Variants in EXOSC1 observed in about 807,000 individuals in gnomAD.
The protein encoded by EXOSC1 is exosome component 1.
EXOSC1 carries 27 observed loss-of-function variants against 31.4 expected under a neutral mutation model. The observed-to-expected ratio is 0.86, with a 90% CI of 0.63 to 1.18. The LOEUF is 1.18. Ranked by LOEUF, EXOSC1 falls within the 50% of genes most tolerant of loss-of-function variation. The pLI, the probability that EXOSC1 is intolerant of heterozygous loss-of-function variation, is 0.00. For synonymous variants in EXOSC1, 84 were observed against 89.5 expected, an observed-to-expected ratio of 0.94 and a Z score of 0.35; for missense variants, 228 against 250.3, an observed-to-expected ratio of 0.91 and a Z score of 0.60.
At chr10:97,440,888 G>C in intron 4 of EXOSC1, 2 of 237,924 alleles carry the variant, frequency 8.4e-6, no homozygotes, top group South Asian at 1.2e-4. Flanking sequence ...CTGATCTCAA[G>C]AGATCCACCC....
intron 7 of EXOSC1, 85 bp downstream of exon 7, chr10:97,437,106 G>A: frequency 2.5e-6 from 3 of 1,214,430 alleles, no homozygotes; most frequent in Non-Finnish European, 3.7e-6. Context: ...CTGCTTCCCA[G>A]ATAAGGGAAA....
intron 4 of EXOSC1, among the ~76,000 whole-genome samples, chr10:97,438,940 T>G (rs1409308666): frequency 6.6e-6 from 1 of 151,482 alleles, no homozygotes; most frequent in African/African-American, 2.4e-5. Flanking sequence ...TTAGTAGAGA[T>G]GGGGTTTCAC....
chr10:97,442,712 G>T (rs960345419), intron 3 of EXOSC1, among the ~76,000 whole-genome samples: 1 of 151,946 alleles, frequency 6.6e-6, no homozygotes, highest in Non-Finnish European at 1.5e-5. Context: ...TTGAGACGGA[G>T]TCTCACTCTG....
At chr10:97,437,871 C>T in intron 5 of EXOSC1, 121 bp from the exon 6 acceptor site, 2 of 799,800 alleles carry the variant, frequency 2.5e-6, no homozygotes, top group Non-Finnish European at 4.1e-6. Flanking sequence ...CATCATTACT[C>T]ATGTCAAGTC....
At chr10:97,443,359 G>A in intron 2 of EXOSC1, 48 bp from the exon 3 acceptor site, 2 of 1,547,520 alleles carry the variant, frequency 1.3e-6, no homozygotes, top group Non-Finnish European at 1.8e-6. Context: ...TAACCCTTGG[G>A]TCAAGGCATT....
chr10:97,436,682 G>C, intron 7 of EXOSC1, 131 bp from the exon 8 acceptor site: 1 of 741,706 alleles, frequency 1.3e-6, no homozygotes, highest in Non-Finnish European at 2.1e-6. Context: ...AAAAAACTTT[G>C]TTCATTCTAC....
intron 4 of EXOSC1, among the ~76,000 whole-genome samples, chr10:97,439,118 G>A (rs1409215663): frequency 6.6e-6 from 1 of 152,198 alleles, no homozygotes; most frequent in East Asian, 1.9e-4. Flanking sequence ...AGAACAAGTT[G>A]TAAATGGGAC....
In EXOSC1 at chr10:97,437,220, A is replaced by G. The variant is rs774453483; in HGVS notation, c.452T>C (p.Leu151Pro). The change falls in exon 7 of 8, where the codon CTG (leucine) becomes CCG (proline). Residue 151 changes from leucine to proline, a missense_variant. Coordinates refer to ENST00000370902, the MANE Select transcript of EXOSC1 (RefSeq NM_016046.5). ...CTCACTGTGGGCTACCACCACTCCCAGCTCGTTCTCGGCGGTGGTTAGCAG... is the reference window on the plus strand; with the variant it reads ...CTCACTGTGGGCTACCACCACTCCCGGCTCGTTCTCGGCGGTGGTTAGCAG... Reference protein sequence around the residue: ...NYLLTTAENELGVVVAHSESG... With the variant: ...NYLLTTAENEPGVVVAHSESG... The G allele has an allele frequency of 6.2e-7, 1 of 1,614,068 alleles. No homozygotes were observed. Among genetic ancestry groups the G allele is most frequent in the South Asian group, 1.1e-5 (1 of 91,062 alleles).
chr10:97,441,496 T>TC, intron 3 of EXOSC1, among the ~76,000 whole-genome samples: 1 of 150,610 alleles, frequency 6.6e-6, no homozygotes, highest in East Asian at 1.9e-4. Flanking sequence ...GTTTTTTTTT[T>TC]TTTTTTTTTT....
chr10:97,440,100 G>C (rs1409491368), intron 4 of EXOSC1, among the ~76,000 whole-genome samples: 2 of 151,564 alleles, frequency 1.3e-5, no homozygotes, highest in Non-Finnish European at 2.9e-5. Context: ...AGCCTCCCTA[G>C]TAGCTGGGAT....
chr10:97,436,393 G>C lies in EXOSC1; in HGVS notation c.*52C>G. 1 of 1,314,120 alleles carries C rather than the reference G, an allele frequency of 7.6e-7. No homozygotes were observed. Among genetic ancestry groups the C allele is most frequent in the Non-Finnish European group, 1.1e-6 (1 of 912,316 alleles). 81.4% of individuals were successfully genotyped at this position (1,314,120 alleles called of 1,614,324 possible). A position where few individuals can be genotyped will look rare whatever the true frequency, so the allele number is the denominator to read the frequency against. On this transcript the variant is annotated 3_prime_UTR_variant, in exon 8 of 8. Transcript: ENST00000370902. ...TTTGAATAAAGACAGCAGCATCTTG[G>C]TGTTATACTCAGGAACAGCTTACCC...
chr10:97,438,697 T>C lies in EXOSC1; in HGVS notation c.318A>G (p.Glu106=). The change falls in exon 5 of 8, where the codon GAA becomes GAG. Residue 106 remains glutamate, a synonymous_variant. Transcript: ENST00000370902. ...TGTCTTTTTCAGTTGCTCGGACATC[T>C]TCCTTGCTATAAAAAAAGAATTAAC... ...KNSFRGTIRK[E]DVRATEKDKV... is the part of the protein sequence containing the mutation. 6.2e-7 allele frequency: 1 copy of C among 1,608,152 alleles called. No individual in the cohort carries two copies. Among genetic ancestry groups the C allele is most frequent in the Non-Finnish European group, 8.5e-7 (1 of 1,177,852 alleles).
intron 4 of EXOSC1, 100 bp downstream of exon 4, chr10:97,441,071 G>T: frequency 1.0e-6 from 1 of 971,648 alleles, no homozygotes; most frequent in Non-Finnish European, 1.5e-6. Flanking sequence ...ACGGGCAAAA[G>T]AAAAATAGGA....
intron 2 of EXOSC1, chr10:97,444,744 A>G (rs895327314): frequency 1.2e-4 from 19 of 152,230 alleles, no homozygotes; most frequent in African/African-American, 4.6e-4. Flanking sequence ...AGACAGCTTA[A>G]GTTACTTACT....
intron 1 of EXOSC1, 37 bp downstream of exon 1, chr10:97,445,918 C>T (rs748587450): frequency 2.5e-6 from 4 of 1,613,960 alleles, no homozygotes; most frequent in Non-Finnish European, 3.4e-6. Flanking sequence ...TTGCTTCAGC[C>T]CCTATCCAGG....
intron 5 of EXOSC1, among the ~76,000 whole-genome samples, chr10:97,437,988 C>T (rs1039330793): frequency 3.3e-5 from 5 of 151,506 alleles, no homozygotes; most frequent in African/African-American, 1.2e-4. Flanking sequence ...GGTGCGATCT[C>T]GGCTCACTGC....
At chr10:97,445,376 T>A (rs183732437) in intron 2 of EXOSC1, 1 of 240,752 alleles carries the variant, frequency 4.2e-6, no homozygotes, top group Non-Finnish European at 8.1e-6. Flanking sequence ...TATGACTAGA[T>A]TGCGTCAGTG....
chr10:97,436,473 C>T lies in EXOSC1; in HGVS notation c.560G>A (p.Arg187Gln), dbSNP rs777641312. 12 of 1,613,188 alleles carry T rather than the reference C, an allele frequency of 7.4e-6. No individual in the cohort carries two copies. Among genetic ancestry groups the T allele is most frequent in the Non-Finnish European group, 8.5e-6 (10 of 1,179,668 alleles). ...GGTCTGCAAGAATTCGGGTTGTACTCGGGCTACTTTCCGGAATTCTTTAGT... is the reference window on the plus strand; with the variant it reads ...GGTCTGCAAGAATTCGGGTTGTACTTGGGCTACTTTCCGGAATTCTTTAGT... ...THTKEFRKVARVQPEFLQT is the reference protein window; with the variant it reads ...THTKEFRKVAQVQPEFLQT The change falls in exon 8 of 8, where the codon CGA becomes CAA. Residue 187 changes from arginine (R) to glutamine (Q), a missense_variant. Coordinates refer to ENST00000370902, the MANE Select transcript of EXOSC1 (RefSeq NM_016046.5).
In EXOSC1 at chr10:97,437,248, A is replaced by T; in HGVS notation, c.424T>A (p.Tyr142Asn). 6.2e-7 allele frequency: 1 copy of T among 1,614,090 alleles called. No individual in the cohort carries two copies. The highest frequency in any genetic ancestry group is 8.5e-7 in the Non-Finnish European group (1 of 1,179,988). The change falls in exon 7 of 8, where the codon TAC (tyrosine) becomes AAC (asparagine). Residue 142 changes from tyrosine to asparagine, a missense_variant. By Grantham distance (143) the Tyr-to-Asn change is moderately radical. Coordinates refer to ENST00000370902, the MANE Select transcript of EXOSC1 (RefSeq NM_016046.5). ...TCGTTCTCGGCGGTGGTTAGCAGGTAGTTGGACTGTGCATCACCTAAGGAG... is the reference window on the plus strand; with the variant it reads ...TCGTTCTCGGCGGTGGTTAGCAGGTTGTTGGACTGTGCATCACCTAAGGAG... ...VISLGDAQSN[Y>N]LLTTAENELG...
Sources: allele counts gnomAD v4.1 joint callset (sites outside exome capture counted in the v4.1 genomes callset), GRCh38; gene constraint gnomAD v4.1.1; transcripts MANE v1.5; gene names NCBI Gene and HGNC (gene_info 2026-07-23, HGNC 2026-07-21).